The following FBLN1 variants were observed in gnomAD, a reference collection of about 807,000 sequenced individuals.
The protein encoded by FBLN1 is fibulin-1.
FBLN1 carries 34 observed loss-of-function variants against 89.7 expected under a neutral mutation model. The observed-to-expected ratio is 0.38, with a 90% CI of 0.29 to 0.50. The LOEUF is 0.50. Among genes scored for constraint, FBLN1 ranks in the 20% least tolerant of loss-of-function variants. The pLI is 0.92. For missense variants in FBLN1, 777 were observed against 988.1 expected, an observed-to-expected ratio of 0.79 and a Z score of 2.86; for synonymous variants, 393 against 391.3, an observed-to-expected ratio of 1.00 and a Z score of -0.05.
chr22:45,564,862 A>G (rs569037888), intron 14 of FBLN1: 1 of 1,613,462 alleles, frequency 6.2e-7, no homozygotes, highest in South Asian at 1.1e-5. Context: ...TGGCTGTGAC[A>G]CTGTGCTGAC....
intron 14 of FBLN1, among the ~76,000 whole-genome samples, chr22:45,570,861 G>C (rs2088947372): frequency 6.6e-6 from 1 of 152,084 alleles, no homozygotes; most frequent in Middle Eastern, 3.2e-3. Flanking sequence ...GGGTGTGGTG[G>C]CTCATACCTG....
chr22:45,586,825 G>C (rs1466365335), intron 16 of FBLN1, among the ~76,000 whole-genome samples: 1 of 152,138 alleles, frequency 6.6e-6, no homozygotes, highest in African/African-American at 2.4e-5. Flanking sequence ...TCAGCCCGAG[G>C]GCCCAGGCAG....
chr22:45,537,447 C>T lies in FBLN1; in HGVS notation c.922+2110C>T, dbSNP rs543058130. 1.9e-4 allele frequency among the ~76,000 whole-genome samples: 29 copies of T among 152,068 alleles called. No individual in the cohort carries two copies. Among genetic ancestry groups the T allele is most frequent in the African/African-American group, 4.8e-4 (20 of 41,476 alleles). ...CAGCCTGACCAATATGGTGAAACCC[C>T]GTCTCTACTAAAAATACAAAAATTA... is the stretch of plus-strand genomic sequence containing the variant. On this transcript the variant is annotated intron_variant, in intron 8 of 16. Coordinates refer to ENST00000327858, the MANE Select transcript of FBLN1 (RefSeq NM_006486.3). This position sits in a 1 kb window ranked among gnomAD's most constrained non-coding sequence, Gnocchi z 5.7.
At chr22:45,508,096 C>T (rs139540191) in intron 1 of FBLN1, among the ~76,000 whole-genome samples, 2,213 of 152,176 alleles carry the variant, frequency 0.015, 17 homozygotes, top group Non-Finnish European at 0.019. Context: ...CTAGCTATAC[C>T]CTCACCCTAG....
intron 1 of FBLN1, among the ~76,000 whole-genome samples, chr22:45,512,036 A>T (rs1418181269): frequency 2.0e-5 from 3 of 152,078 alleles, no homozygotes; most frequent in Non-Finnish European, 2.9e-5. Context: ...AGGTCCCCTG[A>T]GGCCCTGCTT....
chr22:45,594,696 A>AGATGGATGGATGGATGGATG (rs201180295), intron 16 of FBLN1, among the ~76,000 whole-genome samples: 56 of 143,094 alleles, frequency 3.9e-4, no homozygotes, highest in African/African-American at 1.4e-3. Flanking sequence ...ATTGGTGGAT[A>AGATGGATGGATGGATGGATG]GATGGATGGA....
intron 2 of FBLN1, among the ~76,000 whole-genome samples, chr22:45,524,719 G>T (rs1350465742): frequency 1.3e-5 from 2 of 152,252 alleles, no homozygotes; most frequent in East Asian, 3.9e-4. Flanking sequence ...GGAGTGACGC[G>T]GCCACTCTGG....
rs531124746 is a variant in FBLN1, at chr22:45,600,587, G to T, written c.*141G>T. 1.0e-6 allele frequency: 1 copy of T among 957,522 alleles called. No individual in the cohort carries two copies. The highest frequency in any genetic ancestry group is 1.6e-5 in the African/African-American group (1 of 62,320). 59.3% of individuals were successfully genotyped at this position (957,522 alleles called of 1,614,324 possible). ...ATTAGGCCAACATGTATTAAGCTGA[G>T]CCAGATGAATAAGTCCATCTGATGT... On this transcript the variant is annotated 3_prime_UTR_variant, in exon 17 of 17. Coordinates refer to ENST00000327858, the MANE Select transcript of FBLN1 (RefSeq NM_006486.3).
Position 45,562,540 on chromosome 22 carries a change from C to T in FBLN1, c.1697+11925C>T, listed in dbSNP as rs1477506364. Among the ~76,000 whole-genome samples, 3 of 152,204 alleles carry T rather than the reference C, an allele frequency of 2.0e-5. No homozygotes were observed. The highest frequency in any genetic ancestry group is 4.8e-5 in the African/African-American group (2 of 41,460). ...TTCATGGGTCACCTCCGAGACACAA[C>T]CAAGAGCCCTGCGTAGCCCTGGCCA... On this transcript the variant is annotated intron_variant, in intron 14 of 16. Coordinates refer to ENST00000327858, the MANE Select transcript of FBLN1 (RefSeq NM_006486.3). The surrounding 1 kb of genome is among the most constrained non-coding windows in gnomAD (Gnocchi z 7.8).
chr22:45,599,580 C>T (rs1601551463), intron 16 of FBLN1, among the ~76,000 whole-genome samples: 1 of 152,132 alleles, frequency 6.6e-6, no homozygotes, highest in African/African-American at 2.4e-5. Context: ...AGATGTCTAT[C>T]AGGTACCCAC....
rs576867326 is a variant in FBLN1 at position 45,592,660 on chromosome 22, G to T, written c.1973-7647G>T. Among the ~76,000 whole-genome samples, 8 of 152,276 alleles carry T rather than the reference G, an allele frequency of 5.3e-5. No homozygotes were observed. The South Asian group carries it at 1.7e-3, about 32-fold the overall frequency. ...TTCTCAACGTTTCCTCTTTGCCATT[G>T]GTCTGTGCTGCTCGTCCTCGCCTGC... On this transcript the variant is annotated intron_variant, in intron 16 of 16. Transcript: ENST00000327858.
In FBLN1 at chr22:45,600,972, A is replaced by T. The variant is rs1483423379; in HGVS notation, c.*526A>T. ...GGGGAGCACTTGGAAGGGAAATTGC[A>T]GTTCTGTTGAAATAGAGGAAAATCC... On this transcript the variant is annotated 3_prime_UTR_variant, in exon 17 of 17. Coordinates refer to ENST00000327858, the MANE Select transcript of FBLN1 (RefSeq NM_006486.3). 5.6e-6 allele frequency: 1 copy of T among 180,082 alleles called. No homozygotes were observed. Among genetic ancestry groups the T allele is most frequent in the Non-Finnish European group, 1.2e-5 (1 of 84,956 alleles). 11.2% of individuals were successfully genotyped at this position (180,082 alleles called of 1,614,324 possible).
At chr22:45,570,223 G>C (rs1464614129) in intron 14 of FBLN1, among the ~76,000 whole-genome samples, 1 of 151,070 alleles carries the variant, frequency 6.6e-6, no homozygotes, top group Non-Finnish European at 1.5e-5. Context: ...AGGAGGCTGA[G>C]GCAGGAGAAT....
chr22:45,516,324 G>T (rs375812150), intron 1 of FBLN1, among the ~76,000 whole-genome samples: 14 of 152,202 alleles, frequency 9.2e-5, no homozygotes, highest in East Asian at 3.9e-4. Flanking sequence ...ACTGGGCTTG[G>T]CTGCACAGGG....
At chr22:45,585,849 G>A (rs5765508) in intron 16 of FBLN1, among the ~76,000 whole-genome samples, 1 of 151,748 alleles carries the variant, frequency 6.6e-6, no homozygotes, top group Non-Finnish European at 1.5e-5. Flanking sequence ...AGGCATCAGA[G>A]CCTGTGCCCT....
chr22:45,528,988 A>G (rs1009494628), intron 4 of FBLN1, among the ~76,000 whole-genome samples: 4 of 152,074 alleles, frequency 2.6e-5, no homozygotes, highest in Non-Finnish European at 5.9e-5. Context: ...TGCTGGGAGG[A>G]TGGAGTGCGA....
chr22:45,556,560 G>A lies in FBLN1; in HGVS notation c.1697+5945G>A, dbSNP rs1602206962. Among the ~76,000 whole-genome samples, 1 of 152,010 alleles carries A rather than the reference G, an allele frequency of 6.6e-6. No individual in the cohort carries two copies. The highest frequency in any genetic ancestry group is 2.1e-4 in the South Asian group (1 of 4,806). ...AGTTTCCCATTGACCTTAATCACAG[G>A]GCATGGTAATACTGAGAGATGCCCT... On this transcript the variant is annotated intron_variant, in intron 14 of 16. Transcript: ENST00000327858. This position sits in a 1 kb window ranked among gnomAD's most constrained non-coding sequence, Gnocchi z 4.6.
At position 45,590,933 on chromosome 22, in the gene FBLN1, CG is replaced by C. The variant is rs982806553; in HGVS notation, c.1973-9369del. Reference sequence around the variant, plus strand: ...ATTGGAGTGGACTCCGAGTTTGGGTCGGGGGCCCAGGAGGACCCCACCCAGC... The same window carrying C: ...ATTGGAGTGGACTCCGAGTTTGGGTCGGGGCCCAGGAGGACCCCACCCAGC... On this transcript the variant is annotated intron_variant, in intron 16 of 16. Coordinates refer to ENST00000327858, the MANE Select transcript of FBLN1 (RefSeq NM_006486.3). The surrounding 1 kb of genome is among the most constrained non-coding windows in gnomAD (Gnocchi z 4.1). Among the ~76,000 whole-genome samples the C allele has an allele frequency of 6.6e-6, 1 of 151,704 alleles. No individual in the cohort carries two copies. The highest frequency in any genetic ancestry group is 2.4e-5 in the African/African-American group (1 of 41,180).
At position 45,563,215 on chromosome 22, in the gene FBLN1, C is replaced by G. The variant is rs376342996; in HGVS notation, c.1698-11296C>G. 6.2e-7 allele frequency: 1 copy of G among 1,613,822 alleles called. No individual in the cohort carries two copies. The highest frequency in any genetic ancestry group is 1.1e-5 in the South Asian group (1 of 91,086). ...AGATGGATCTCTCTCGCCACGGCAC[C>G]GTCAGCTCCTTTGTGGCCAAGCTTT... On this transcript the variant is annotated intron_variant, in intron 14 of 16. Coordinates refer to ENST00000327858, the MANE Select transcript of FBLN1 (RefSeq NM_006486.3). The surrounding 1 kb of genome is among the most constrained non-coding windows in gnomAD (Gnocchi z 5.7).
Sources: allele counts gnomAD v4.1 joint callset (sites outside exome capture counted in the v4.1 genomes callset), GRCh38; gene constraint gnomAD v4.1.1; non-coding constraint Gnocchi (gnomAD v3.1); transcripts MANE v1.5; gene names NCBI Gene and HGNC (gene_info 2026-07-23, HGNC 2026-07-21).